MSR1: variants seen among roughly 807,000 people sequenced by gnomAD.
MSR1 encodes the protein macrophage scavenger receptor 1.
Under a neutral mutation model 47.2 loss-of-function variants are expected in MSR1, and 53 were observed. The ratio of observed to expected loss-of-function variants is 1.12; its 90% CI spans 0.90 to 1.41. The LOEUF (loss-of-function observed/expected upper bound fraction) is 1.41, where lower values mean the gene tolerates loss of function less well. Ranked by LOEUF, MSR1 falls within the 40% of genes most tolerant of loss-of-function variation. The pLI, the probability that MSR1 is intolerant of heterozygous loss-of-function variation, is 0.00. For missense variants in MSR1, 786 were observed against 546.9 expected (o/e 1.44, Z -4.36); for synonymous variants, 239 against 185.6 (o/e 1.29, Z -2.34).
rs555283177 is a variant in MSR1, at chr8:16,138,971, G to C, written c.1033+4587C>G. On this transcript the variant is annotated intron_variant, in intron 8 of 9. Coordinates refer to ENST00000262101, the MANE Select transcript of MSR1 (RefSeq NM_138715.3). ...TTGGGCCCATGCTTTGTTCTTCAGA[G>C]ACTGGACTCTTGTTTTATTAGCCTG... Among the ~76,000 whole-genome samples, 12 of 152,246 alleles carry C rather than the reference G, an allele frequency of 7.9e-5. No individual in the cohort carries two copies. The East Asian group carries it at 2.3e-3, about 29-fold the overall frequency.
intron 8 of MSR1, among the ~76,000 whole-genome samples, chr8:16,133,976 G>A (rs1384755283): frequency 6.6e-6 from 1 of 152,094 alleles, no homozygotes; most frequent in African/African-American, 2.4e-5. Flanking sequence ...TTCAATTAAG[G>A]CACAAACAAG....
At chr8:16,176,467 A>T (rs1801650166) in intron 2 of MSR1, among the ~76,000 whole-genome samples, 1 of 151,304 alleles carries the variant, frequency 6.6e-6, no homozygotes, top group South Asian at 2.1e-4. Context: ...TGATCGCACC[A>T]CTGCACTCCA....
chr8:16,138,289 G>C (rs896218865), intron 8 of MSR1, among the ~76,000 whole-genome samples: 1 of 152,110 alleles, frequency 6.6e-6, no homozygotes, highest in Non-Finnish European at 1.5e-5. Context: ...GTGTTGTATT[G>C]TATGGTAGGA....
At chr8:16,110,365 C>T (rs1317111559) in intron 9 of MSR1, 147 bp from the exon 10 acceptor site, 5 of 859,524 alleles carry the variant, frequency 5.8e-6, no homozygotes, top group East Asian at 5.1e-5. Context: ...TAGTAGGAAT[C>T]AAAAATTAAT....
intron 8 of MSR1, among the ~76,000 whole-genome samples, chr8:16,141,994 T>C (rs1156902986): frequency 6.6e-6 from 1 of 151,828 alleles, no homozygotes; most frequent in African/African-American, 2.4e-5. Context: ...TGAAAGTAAA[T>C]GGAGTGAAAA....
chr8:16,175,849 G>C (rs1199440194), intron 2 of MSR1, among the ~76,000 whole-genome samples: 1 of 152,072 alleles, frequency 6.6e-6, no homozygotes, highest in Non-Finnish European at 1.5e-5. Flanking sequence ...ATGAAATAAA[G>C]TGATTCACAT....
intron 9 of MSR1, among the ~76,000 whole-genome samples, chr8:16,115,758 G>T (rs1029031503): frequency 6.6e-6 from 1 of 152,074 alleles, no homozygotes; most frequent in Admixed American, 6.6e-5. Flanking sequence ...CAGGAGGATT[G>T]CTTGAGGCTA....
chr8:16,177,848 G>C, intron 2 of MSR1, 38 bp downstream of exon 2: 1 of 1,524,680 alleles, frequency 6.6e-7, no homozygotes, highest in Non-Finnish European at 9.1e-7. Context: ...ATAACTCTAA[G>C]AACAACCTCC....
At chr8:16,179,527 C>T (rs1801761982) in intron 1 of MSR1, among the ~76,000 whole-genome samples, 1 of 152,082 alleles carries the variant, frequency 6.6e-6, no homozygotes, top group Non-Finnish European at 1.5e-5. Context: ...AATAATTTCC[C>T]TTAGGACAAA....
intron 8 of MSR1, among the ~76,000 whole-genome samples, chr8:16,131,758 T>G (rs561000565): frequency 8.5e-5 from 13 of 152,054 alleles, no homozygotes; most frequent in Non-Finnish European, 1.8e-4. Context: ...CTATTGCTTG[T>G]TTTTATCGGC....
chr8:16,120,358 C>A (rs1304498024), intron 9 of MSR1, 60 bp downstream of exon 9: 13 of 1,583,406 alleles, frequency 8.2e-6, no homozygotes, highest in Middle Eastern at 1.7e-4. Context: ...GTCTGGGCGA[C>A]AGAATGAGAC....
At chr8:16,179,879 C>CAAA (rs58441043) in intron 1 of MSR1, among the ~76,000 whole-genome samples, 153 of 80,356 alleles carry the variant, frequency 1.9e-3, no homozygotes, top group South Asian at 2.3e-3. Flanking sequence ...CCCTGTGTCT[C>CAAA]AAAAAAAAAA....
At chr8:16,185,548 C>T (rs77433938) in intron 1 of MSR1, among the ~76,000 whole-genome samples, 2 of 152,086 alleles carry the variant, frequency 1.3e-5, no homozygotes, top group African/African-American at 4.8e-5. Context: ...AGCACAGTCA[C>T]GCAATCTGAG....
At chr8:16,135,109 G>A (rs1800358740) in intron 8 of MSR1, among the ~76,000 whole-genome samples, 1 of 152,106 alleles carries the variant, frequency 6.6e-6, no homozygotes, top group African/African-American at 2.4e-5. Context: ...GATCTAGTTA[G>A]GATAATTGAT....
intron 8 of MSR1, among the ~76,000 whole-genome samples, chr8:16,138,332 G>A (rs557054280): frequency 2.5e-4 from 38 of 152,212 alleles, no homozygotes; most frequent in South Asian, 2.1e-4. Context: ...TCACTCTTCC[G>A]CGTTAAGGTG....
intron 8 of MSR1, among the ~76,000 whole-genome samples, chr8:16,129,050 C>G (rs2127565): frequency 0.73 from 110,192 of 151,916 alleles, 42,871 homozygotes; most frequent in Non-Finnish European, 0.87. Flanking sequence ...AAAACATAAT[C>G]ATTTTATAGG....
chr8:16,163,918 C>T (rs2117168864), intron 5 of MSR1, 147 bp downstream of exon 5: 1 of 657,196 alleles, frequency 1.5e-6, no homozygotes, highest in East Asian at 3.0e-5. Flanking sequence ...ATCTGATTTT[C>T]ATATTCTTTC....
rs138298415 is a variant in MSR1 at position 16,149,557 on chromosome 8, T to G, written c.979+674A>C. Among the ~76,000 whole-genome samples the G allele has an allele frequency of 6.5e-3, 990 of 152,186 alleles. 7 individuals are homozygous for G. Among genetic ancestry groups the G allele is most frequent in the African/African-American group, 0.022 (934 of 41,540 alleles). ...TCTATTCTCTTGATGATAATTCACT[T>G]TGAAATGAGGAGACAGTAAGCCTAG... is the stretch of plus-strand genomic sequence containing the variant. On this transcript the variant is annotated intron_variant, in intron 7 of 9. Coordinates refer to ENST00000262101, the MANE Select transcript of MSR1 (RefSeq NM_138715.3).
intron 1 of MSR1, chr8:16,186,388 C>T: frequency 1.8e-6 from 1 of 563,098 alleles, no homozygotes. Context: ...AAGTCTTTAT[C>T]TCTTGCCCAT....
Sources: gnomAD v4.1 joint callset for allele counts (sites outside exome capture counted in the v4.1 genomes callset) on GRCh38, gnomAD v4.1.1 for gene constraint, MANE v1.5 for transcripts, NCBI Gene and HGNC (gene_info 2026-07-23, HGNC 2026-07-21) for gene names.